The following PCBP3 variants were observed in gnomAD, a reference collection of about 807,000 sequenced individuals.
PCBP3 encodes poly(rC) binding protein 3, also known as poly(rC)-binding protein 3.
A neutral mutation model predicts 52.7 loss-of-function variants in PCBP3; 25 were observed. That is an observed-to-expected ratio of 0.47 (90% CI 0.35 to 0.66). The LOEUF (loss-of-function observed/expected upper bound fraction) is 0.66, where lower values mean the gene tolerates loss of function less well. Ranked by LOEUF, PCBP3 falls within the 30% of genes least tolerant of loss-of-function variation. PCBP3 has a pLI of 0.01. For synonymous variants in PCBP3, 162 were observed against 183.0 expected, an observed-to-expected ratio of 0.89 and a Z score of 0.93; for missense variants, 391 against 490.3, an observed-to-expected ratio of 0.80 and a Z score of 1.91.
intron 4 of PCBP3, among the ~76,000 whole-genome samples, chr21:45,755,949 A>AT (rs1434532832): frequency 1.3e-5 from 2 of 151,964 alleles, no homozygotes; most frequent in African/African-American, 4.8e-5. Flanking sequence ...AAAATTTGTC[A>AT]TTTTTTGTCT....
At chr21:45,816,631 G>A (rs982785370) in intron 4 of PCBP3, among the ~76,000 whole-genome samples, 3 of 149,414 alleles carry the variant, frequency 2.0e-5, no homozygotes, top group South Asian at 4.3e-4. Flanking sequence ...GCCTTGTCCC[G>A]CTGGAAGGTC....
intron 2 of PCBP3, among the ~76,000 whole-genome samples, chr21:45,686,100 T>C (rs956444365): frequency 1.1e-4 from 17 of 152,100 alleles, no homozygotes; most frequent in African/African-American, 4.1e-4. Context: ...GTGTTTTTAG[T>C]AGAGACAGGG....
At chr21:45,824,217 T>G (rs1281133282) in intron 4 of PCBP3, among the ~76,000 whole-genome samples, 1 of 152,208 alleles carries the variant, frequency 6.6e-6, no homozygotes, top group South Asian at 2.1e-4. Context: ...ATCATTTCTC[T>G]CGGACACTCA....
At chr21:45,715,609 G>A (rs550675117) in intron 2 of PCBP3, among the ~76,000 whole-genome samples, 26 of 152,274 alleles carry the variant, frequency 1.7e-4, no homozygotes, top group Non-Finnish European at 3.2e-4. Context: ...AGCAATTTAT[G>A]AGTGTTAACA....
In PCBP3 at chr21:45,920,637, C is replaced by T. The variant is rs370216411; in HGVS notation, c.717+3008C>T. Among the ~76,000 whole-genome samples, 13 of 152,188 alleles carry T rather than the reference C, an allele frequency of 8.5e-5. No homozygotes were observed. In the South Asian group the frequency reaches 1.7e-3, roughly 19 times the overall value. On this transcript the variant is annotated intron_variant, in intron 13 of 17. Coordinates refer to ENST00000681687, the MANE Select transcript of PCBP3 (RefSeq NM_001384156.1). ...GGCTGGGGAGTGATTGGGTCATGAG[C>T]GCTCCACCCTCGTGAACAGCATTGG...
At chr21:45,877,104 C>T (rs1386280618) in intron 5 of PCBP3, among the ~76,000 whole-genome samples, 1 of 152,272 alleles carries the variant, frequency 6.6e-6, no homozygotes, top group East Asian at 1.9e-4. Context: ...TTGGGCCTCA[C>T]ATGACACTTT....
At chr21:45,860,771 T>G (rs901691474) in intron 5 of PCBP3, among the ~76,000 whole-genome samples, 1 of 152,246 alleles carries the variant, frequency 6.6e-6, no homozygotes, top group Middle Eastern at 3.2e-3. Context: ...GTGATGCAGC[T>G]GTGCCCCTCC....
intron 9 of PCBP3, among the ~76,000 whole-genome samples, chr21:45,903,833 G>A (rs1242405830): frequency 6.6e-6 from 1 of 152,200 alleles, no homozygotes; most frequent in Non-Finnish European, 1.5e-5. Flanking sequence ...TGTTTCTGAA[G>A]AATGGCTGCC....
intron 5 of PCBP3, among the ~76,000 whole-genome samples, chr21:45,876,704 G>A (rs928800295): frequency 6.6e-6 from 1 of 152,220 alleles, no homozygotes; most frequent in African/African-American, 2.4e-5. Context: ...TCCTGGCCTC[G>A]TGCAGCCTGA....
chr21:45,645,606 A>C (rs932940058), intron 1 of PCBP3, among the ~76,000 whole-genome samples: 18 of 152,180 alleles, frequency 1.2e-4, no homozygotes, highest in Non-Finnish European at 1.9e-4. Flanking sequence ...AGCTGTTTTG[A>C]AGAAGCTATT....
intron 15 of PCBP3, among the ~76,000 whole-genome samples, chr21:45,932,811 A>G (rs1179684668): frequency 7.1e-6 from 1 of 141,680 alleles, no homozygotes. Flanking sequence ...GAATGAACAC[A>G]TCGGCCATGC....
chr21:45,881,508 G>A (rs1417633955), intron 5 of PCBP3, among the ~76,000 whole-genome samples: 1 of 152,102 alleles, frequency 6.6e-6, no homozygotes, highest in Non-Finnish European at 1.5e-5. Context: ...GGCTGGTCTT[G>A]AACTCCTAGA....
intron 4 of PCBP3, chr21:45,763,550 G>GT (rs990674003): frequency 1.4e-4 from 22 of 152,236 alleles, no homozygotes; most frequent in Non-Finnish European, 3.1e-4. Flanking sequence ...TCACTGCAAA[G>GT]TTTTTTTTGG....
chr21:45,790,134 C>T (rs758997912), intron 4 of PCBP3, among the ~76,000 whole-genome samples: 5 of 151,622 alleles, frequency 3.3e-5, no homozygotes, highest in South Asian at 2.1e-4. Flanking sequence ...AGTGAGACTC[C>T]GTCTCAAAAA....
At chr21:45,923,767 C>T (rs1056244372) in intron 13 of PCBP3, among the ~76,000 whole-genome samples, 23 of 152,096 alleles carry the variant, frequency 1.5e-4, no homozygotes, top group East Asian at 1.9e-4. Flanking sequence ...CAAATAAACT[C>T]GACCTGGAAC....
chr21:45,898,657 C>T (rs373524245), intron 6 of PCBP3, among the ~76,000 whole-genome samples: 9 of 65,284 alleles, frequency 1.4e-4, no homozygotes, highest in African/African-American at 2.3e-4. Flanking sequence ...CTCTGCACAC[C>T]GTCCTCACAG....
At chr21:45,832,073 C>G (rs530865248) in intron 4 of PCBP3, among the ~76,000 whole-genome samples, 1 of 152,250 alleles carries the variant, frequency 6.6e-6, no homozygotes, top group South Asian at 2.1e-4. Flanking sequence ...AGAGCAGCCC[C>G]GAGGGCTGCT....
At chr21:45,815,146 GGTGAGTGAGTGGTGAGTA>G in intron 4 of PCBP3, among the ~76,000 whole-genome samples, 1 of 90,058 alleles carries the variant, frequency 1.1e-5, no homozygotes, top group African/African-American at 4.7e-5. Flanking sequence ...AGTGGTGAGT[GGTGAGTGAGTGGTGAGTA>G]GTGAGTGGTG....
chr21:45,848,987 G>C (rs976476570), intron 4 of PCBP3, among the ~76,000 whole-genome samples: 1 of 152,176 alleles, frequency 6.6e-6, no homozygotes, highest in Non-Finnish European at 1.5e-5. Context: ...AGGGACACAG[G>C]TGGTTTACCA....
Sources: allele counts gnomAD v4.1 joint callset (sites outside exome capture counted in the v4.1 genomes callset), GRCh38; gene constraint gnomAD v4.1.1; transcripts MANE v1.5; gene names NCBI Gene and HGNC (gene_info 2026-07-23, HGNC 2026-07-21).